The following IGF1R variants were observed in gnomAD, a reference collection of about 807,000 sequenced individuals.
IGF1R encodes the protein insulin like growth factor 1 receptor.
In IGF1R, 44 loss-of-function variants were observed where a neutral mutation model predicts 144.6. The ratio of observed to expected loss-of-function variants is 0.30; its 90% CI spans 0.24 to 0.39. The LOEUF (loss-of-function observed/expected upper bound fraction) is 0.39, where lower values mean the gene tolerates loss of function less well. Among genes scored for constraint, IGF1R ranks in the 10% least tolerant of loss-of-function variants. IGF1R has a pLI of 1.00. For missense variants in IGF1R, 1,355 were observed against 1,833.7 expected (o/e 0.74, Z 4.77); for synonymous variants, 795 against 722.8 (o/e 1.10, Z -1.60).
intron 2 of IGF1R, among the ~76,000 whole-genome samples, chr15:98,838,304 T>A (rs1300063139): frequency 6.6e-6 from 1 of 152,178 alleles, no homozygotes; most frequent in Non-Finnish European, 1.5e-5. Context: ...AGATAAAAAT[T>A]AAAATGACAT....
Position 98,685,327 on chromosome 15 carries a change from C to T in IGF1R, c.95-22235C>T, listed in dbSNP as rs138441197. Among the ~76,000 whole-genome samples, 128 of 152,256 alleles carry T rather than the reference C, an allele frequency of 8.4e-4. No individual in the cohort carries two copies. In the East Asian group the frequency reaches 0.015, roughly 17 times the overall value. ...ATACTTCCTGGAAAGTGGGTGGACA[C>T]GCTGGATGGTAGATGTTGAGTTCTT... is the stretch of plus-strand genomic sequence containing the variant. On this transcript the variant is annotated intron_variant, in intron 1 of 20. Transcript: ENST00000650285.
chr15:98,799,348 A>T (rs1366303596), intron 2 of IGF1R, among the ~76,000 whole-genome samples: 1 of 134,098 alleles, frequency 7.5e-6, no homozygotes, highest in Non-Finnish European at 1.6e-5. Flanking sequence ...TTGGATAGCT[A>T]GAAGGGCTGC....
intron 2 of IGF1R, among the ~76,000 whole-genome samples, chr15:98,808,667 C>G (rs1427447900): frequency 8.7e-6 from 1 of 115,480 alleles, no homozygotes; most frequent in African/African-American, 3.4e-5. Flanking sequence ...CAGGTATGTT[C>G]TTGAAAGATT....
chr15:98,907,339 A>G (rs1333691167), intron 5 of IGF1R, among the ~76,000 whole-genome samples: 4 of 152,236 alleles, frequency 2.6e-5, no homozygotes, highest in African/African-American at 9.6e-5. Context: ...CCCTCACCAG[A>G]TGCAGAGAGA....
chr15:98,837,048 T>C (rs1396217052), intron 2 of IGF1R, among the ~76,000 whole-genome samples: 1 of 152,254 alleles, frequency 6.6e-6, no homozygotes, highest in Non-Finnish European at 1.5e-5. Flanking sequence ...TTAGGGCTGA[T>C]ACTCACAGTA....
chr15:98,904,826 C>G (rs1454006564), intron 5 of IGF1R, among the ~76,000 whole-genome samples: 2 of 152,224 alleles, frequency 1.3e-5, no homozygotes, highest in Admixed American at 6.5e-5. Context: ...GGGTTCAGCT[C>G]CATTTATCAG....
intron 1 of IGF1R, among the ~76,000 whole-genome samples, chr15:98,678,916 A>C (rs1441799623): frequency 9.3e-6 from 1 of 107,674 alleles, no homozygotes; most frequent in African/African-American, 3.2e-5. Context: ...CTTTCCTCTG[A>C]TGCTCTTTTT....
At chr15:98,828,533 A>T (rs1333138167) in intron 2 of IGF1R, among the ~76,000 whole-genome samples, 1 of 152,148 alleles carries the variant, frequency 6.6e-6, no homozygotes, top group African/African-American at 2.4e-5. Context: ...CCGTGGAGAG[A>T]GAAAAGGCAT....
intron 2 of IGF1R, among the ~76,000 whole-genome samples, chr15:98,732,340 C>G (rs1216201422): frequency 6.6e-6 from 1 of 152,164 alleles, no homozygotes; most frequent in East Asian, 1.9e-4. Flanking sequence ...TCAATTCAGG[C>G]AGATGTCCTC....
intron 1 of IGF1R, among the ~76,000 whole-genome samples, chr15:98,695,891 G>A (rs1011456253): frequency 3.9e-5 from 6 of 152,102 alleles, no homozygotes; most frequent in Non-Finnish European, 7.4e-5. Flanking sequence ...TCTGGTCCCT[G>A]CTCTCACTTG....
At chr15:98,759,733 TG>T (rs1315514863) in intron 2 of IGF1R, among the ~76,000 whole-genome samples, 1 of 152,208 alleles carries the variant, frequency 6.6e-6, no homozygotes, top group Non-Finnish European at 1.5e-5. Context: ...TTTTAGTTCA[TG>T]GGGCACATAG....
At chr15:98,862,980 G>A (rs892023674) in intron 2 of IGF1R, among the ~76,000 whole-genome samples, 1 of 152,110 alleles carries the variant, frequency 6.6e-6, no homozygotes, top group Non-Finnish European at 1.5e-5. Flanking sequence ...GACTGAATTC[G>A]GATTTCACTA....
At chr15:98,787,369 C>G (rs2056022879) in intron 2 of IGF1R, among the ~76,000 whole-genome samples, 1 of 152,192 alleles carries the variant, frequency 6.6e-6, no homozygotes, top group East Asian at 1.9e-4. Context: ...GAAACCCATG[C>G]TCACAAAACC....
At chr15:98,843,376 G>C (rs943221038) in intron 2 of IGF1R, among the ~76,000 whole-genome samples, 1 of 152,088 alleles carries the variant, frequency 6.6e-6, no homozygotes, top group East Asian at 1.9e-4. Flanking sequence ...GATACTGTGC[G>C]AGATACTGAG....
intron 2 of IGF1R, among the ~76,000 whole-genome samples, chr15:98,850,488 A>G (rs1262567310): frequency 6.6e-6 from 1 of 152,184 alleles, no homozygotes; most frequent in Non-Finnish European, 1.5e-5. Flanking sequence ...AAACCATGCC[A>G]GCTGTGGCTC....
chr15:98,706,052 G>A (rs2053854238), intron 1 of IGF1R, among the ~76,000 whole-genome samples: 1 of 152,180 alleles, frequency 6.6e-6, no homozygotes, highest in Admixed American at 6.5e-5. Flanking sequence ...TTAGCACGGT[G>A]GCACAAAGCT....
chr15:98,941,240 G>C (rs1172911267), intron 18 of IGF1R, among the ~76,000 whole-genome samples: 1 of 152,228 alleles, frequency 6.6e-6, no homozygotes, highest in African/African-American at 2.4e-5. Flanking sequence ...GAAAGCAGCA[G>C]CACGTGCCTG....
At chr15:98,844,766 A>C (rs2137681) in intron 2 of IGF1R, among the ~76,000 whole-genome samples, 4,066 of 152,290 alleles carry the variant, frequency 0.027, 181 homozygotes, top group African/African-American at 0.093. Context: ...TAATTGCAAG[A>C]AATCTTTTTT....
chr15:98,719,212 G>A (rs985451149), intron 2 of IGF1R, among the ~76,000 whole-genome samples: 1 of 152,172 alleles, frequency 6.6e-6, no homozygotes, highest in Admixed American at 6.5e-5. Context: ...TGTACTGAGT[G>A]TGTTTTTCCA....
Sources: allele counts gnomAD v4.1 joint callset (sites outside exome capture counted in the v4.1 genomes callset), GRCh38; gene constraint gnomAD v4.1.1; transcripts MANE v1.5; gene names NCBI Gene and HGNC (gene_info 2026-07-23, HGNC 2026-07-21).